MX1: variants seen among roughly 807,000 people sequenced by gnomAD.
The protein encoded by MX1 is MX dynamin like GTPase 1.
Under a neutral mutation model 66.4 loss-of-function variants are expected in MX1, and 66 were observed. That is an observed-to-expected ratio of 0.99 (90% CI 0.82 to 1.22). The LOEUF is 1.22. Ranked by LOEUF, MX1 falls within the 50% of genes most tolerant of loss-of-function variation. The pLI, the probability that MX1 is intolerant of heterozygous loss-of-function variation, is 0.00. For synonymous variants in MX1, 311 were observed against 318.1 expected, an observed-to-expected ratio of 0.98 and a Z score of 0.24; for missense variants, 787 against 834.3, an observed-to-expected ratio of 0.94 and a Z score of 0.70.
At chr21:41,455,913 G>A (rs1282468528) in intron 16 of MX1, among the ~76,000 whole-genome samples, 1 of 152,186 alleles carries the variant, frequency 6.6e-6, no homozygotes, top group Non-Finnish European at 1.5e-5. Context: ...TTAGGATTGT[G>A]CAGGGAAACA....
chr21:41,444,421 G>A (rs543084682), intron 11 of MX1, among the ~76,000 whole-genome samples: 43 of 145,260 alleles, frequency 3.0e-4, no homozygotes, highest in African/African-American at 1.1e-3. Flanking sequence ...CTGCCTCCTG[G>A]GTTCAAGCAA....
chr21:41,431,864 C>G lies in MX1; in HGVS notation c.-21-186C>G. 3 of 541,068 alleles carry G rather than the reference C, an allele frequency of 5.5e-6. No homozygotes were observed. In the South Asian group the frequency reaches 6.5e-5, roughly 12 times the overall value. 33.5% of individuals were successfully genotyped at this position (541,068 alleles called of 1,614,324 possible). A position where few individuals can be genotyped will look rare whatever the true frequency, so the allele number is the denominator to read the frequency against. On this transcript the variant is annotated intron_variant, in intron 4 of 16. Coordinates refer to ENST00000398598, the MANE Select transcript of MX1 (RefSeq NM_002462.5). The stretch of plus-strand genomic sequence containing the variant: ...CTTTGGGTCACTCTGTTTCTCTTTC[C>G]GTGAATAAAAAGCCAGTGAGCACAC...
Position 41,458,900 on chromosome 21 carries a change from A to C in MX1, c.*142A>C. 7.1e-7 allele frequency: 1 copy of C among 1,413,132 alleles called. No homozygotes were observed. The highest frequency in any genetic ancestry group is 9.3e-7 in the Non-Finnish European group (1 of 1,075,378). 87.5% of individuals were successfully genotyped at this position (1,413,132 alleles called of 1,614,324 possible). ...TATCCGTTAGCCGTGGTGATTTAGC[A>C]GGAAGCTGTGAGAGCAGTTTGGTTT... On this transcript the variant is annotated 3_prime_UTR_variant, in exon 17 of 17. Transcript: ENST00000398598.
chr21:41,452,260 G>A lies in MX1; in HGVS notation c.1510-361G>A, dbSNP rs544005572. Among the ~76,000 whole-genome samples the A allele has an allele frequency of 5.8e-4, 88 of 152,312 alleles. 1 individual carries two copies. Among genetic ancestry groups the A allele is most frequent in the South Asian group, 8.3e-4 (4 of 4,826 alleles). On this transcript the variant is annotated intron_variant, in intron 15 of 16. Coordinates refer to ENST00000398598, the MANE Select transcript of MX1 (RefSeq NM_002462.5). ...TTTCTGACTTAAACATGGCTTTCCT[G>A]CTCATCCCTGTGGATTATCTGATGG... is the stretch of plus-strand genomic sequence containing the variant.
At chr21:41,456,154 G>T (rs2090953013) in intron 16 of MX1, among the ~76,000 whole-genome samples, 1 of 152,216 alleles carries the variant, frequency 6.6e-6, no homozygotes, top group Non-Finnish European at 1.5e-5. Flanking sequence ...TGAGATATGA[G>T]AATTGCTCGA....
Position 41,439,728 on chromosome 21 carries a change from C to T in MX1, c.471C>T (p.Ile157=), listed in dbSNP as rs151250337. 1 of 1,614,016 alleles carries T rather than the reference C, an allele frequency of 6.2e-7. No homozygotes were observed. Among genetic ancestry groups the T allele is most frequent in the Non-Finnish European group, 8.5e-7 (1 of 1,179,940 alleles). The part of the protein sequence containing the change: ...QNAIAGEGMG[I]SHELITLEIS... ...CCATCGCCGGGGAAGGAATGGGAAT[C>T]AGTCATGAGCTAATCACCCTGGAGA... Residue 157 remains isoleucine (I), a synonymous_variant, in exon 8 of 17, where the codon ATC becomes ATT. Transcript: ENST00000398598.
chr21:41,443,886 T>G lies in MX1; in HGVS notation c.1008+20T>G. 1 of 1,612,538 alleles carries G rather than the reference T, an allele frequency of 6.2e-7. No homozygotes were observed. The highest frequency in any genetic ancestry group is 1.7e-5 in the Admixed American group (1 of 60,012). ...ATCTGTGTAAGCACGGGCAGAGCTGTGGGTTCTCTAAAAAGAATACTACGA... is the reference window on the plus strand; with the variant it reads ...ATCTGTGTAAGCACGGGCAGAGCTGGGGGTTCTCTAAAAAGAATACTACGA... On this transcript the variant is annotated intron_variant, in intron 11 of 16. Transcript: ENST00000398598.
intron 6 of MX1, among the ~76,000 whole-genome samples, chr21:41,436,674 G>A (rs2090371457): frequency 6.6e-6 from 1 of 152,162 alleles, no homozygotes; most frequent in Non-Finnish European, 1.5e-5. Flanking sequence ...TGTATGCTGG[G>A]GGGATAATGG....
At chr21:41,434,449 T>C (rs939118673) in intron 5 of MX1, among the ~76,000 whole-genome samples, 2 of 152,234 alleles carry the variant, frequency 1.3e-5, no homozygotes, top group Non-Finnish European at 2.9e-5. Context: ...TTAATGTGAC[T>C]GGTAATATAA....
chr21:41,449,218 G>A lies in MX1; in HGVS notation c.1355G>A (p.Arg452Lys), dbSNP rs1422757701. The change falls in exon 14 of 17, where the codon AGG becomes AAG. Residue 452 changes from arginine (R) to lysine (K), a missense_variant. Coordinates refer to ENST00000398598, the MANE Select transcript of MX1 (RefSeq NM_002462.5). ...GRELPGFVNY[R>K]TFETIVKQQI... Reference sequence around the variant, plus strand: ...GAGCTGCCAGGCTTTGTGAATTACAGGACATTTGAGACAATCGTGAAACAG... The same window carrying A: ...GAGCTGCCAGGCTTTGTGAATTACAAGACATTTGAGACAATCGTGAAACAG... 2.5e-6 allele frequency: 4 copies of A among 1,613,904 alleles called. No homozygotes were observed. The Admixed American group carries it at 6.7e-5, about 27-fold the overall frequency.
upstream of MX1, among the ~76,000 whole-genome samples, chr21:41,422,262 AC>A (rs1255012291): frequency 3.9e-5 from 6 of 152,338 alleles, no homozygotes; most frequent in Non-Finnish European, 8.8e-5. Flanking sequence ...TTACACTCCC[AC>A]CAGCGCATGA....
Position 41,445,381 on chromosome 21 carries a change from CG to C in MX1, c.1009-64del, listed in dbSNP as rs1302432298. On this transcript the variant is annotated intron_variant, in intron 11 of 16. Transcript: ENST00000398598. Reference sequence around the variant, plus strand: ...CACAACTCCTCTGCAGAGGGAGGCCCGGGACCTCCTTTTCATTCTCTGTTCA... The same window carrying C: ...CACAACTCCTCTGCAGAGGGAGGCCCGGACCTCCTTTTCATTCTCTGTTCA... The C allele has an allele frequency of 2.5e-6, 4 of 1,587,200 alleles. No individual in the cohort carries two copies. In the African/African-American group the frequency reaches 5.4e-5, roughly 21 times the overall value.
chr21:41,431,762 C>T (rs1272089086), intron 4 of MX1: 10 of 294,340 alleles, frequency 3.4e-5, no homozygotes, highest in East Asian at 3.3e-4. Flanking sequence ...GCGTGAGCCC[C>T]GGGGCCCGGC....
At chr21:41,448,926 GGTTTTGTGTGT>G (rs1242265816) in intron 13 of MX1, among the ~76,000 whole-genome samples, 200 bp from the exon 14 acceptor site, 2,353 of 142,922 alleles carry the variant, frequency 0.016, 85 homozygotes, top group African/African-American at 0.056. Flanking sequence ...CTTCAGATCT[GGTTTTGTGTGT>G]GTGTGTGTGT....
At chr21:41,433,470 A>G (rs2090278502) in intron 5 of MX1, among the ~76,000 whole-genome samples, 1 of 152,262 alleles carries the variant, frequency 6.6e-6, no homozygotes, top group Non-Finnish European at 1.5e-5. Flanking sequence ...AATTCTATAC[A>G]GTAGTAAAGA....
Position 41,436,028 on chromosome 21 carries a change from C to CG in MX1, c.298+1dup. 6.2e-7 allele frequency: 1 copy of CG among 1,613,796 alleles called. No individual in the cohort carries two copies. The highest frequency in any genetic ancestry group is 8.5e-7 in the Non-Finnish European group (1 of 1,179,784). On this transcript the variant is annotated frameshift_variant and splice_region_variant, in exon 6 of 17. Coordinates refer to ENST00000398598, the MANE Select transcript of MX1 (RefSeq NM_002462.5). LOFTEE classifies it high-confidence loss of function. ...CAGGAGTTGCCCTTCCCAGAGGCAG[C>CG]GGTAAGAACTTACATTCTGTGTTAG...
chr21:41,421,599 G>A (rs1316967630), upstream of MX1, among the ~76,000 whole-genome samples: 1 of 152,212 alleles, frequency 6.6e-6, no homozygotes, highest in Non-Finnish European at 1.5e-5. Flanking sequence ...CTCTTAAGGA[G>A]CATGCTGCCT....
At position 41,435,720 on chromosome 21, in the gene MX1, C is replaced by T. The variant is rs192958185; in HGVS notation, c.106-117C>T. On this transcript the variant is annotated intron_variant, in intron 5 of 16. Transcript: ENST00000398598. Reference sequence around the variant, plus strand: ...CCTCCACCTGGTCTCTCCCTTGACACGTAGGGATTATGGGGATTACAATTC... The same window carrying T: ...CCTCCACCTGGTCTCTCCCTTGACATGTAGGGATTATGGGGATTACAATTC... The T allele has an allele frequency of 1.8e-3, 2,130 of 1,153,494 alleles. 15 individuals are homozygous for T. The highest frequency in any genetic ancestry group is 1.6e-3 in the Non-Finnish European group (1,260 of 802,624). 71.5% of individuals were successfully genotyped at this position (1,153,494 alleles called of 1,614,324 possible). A position where few individuals can be genotyped will look rare whatever the true frequency, so the allele number is the denominator to read the frequency against.
At chr21:41,444,063 C>T (rs1420163030) in intron 11 of MX1, among the ~76,000 whole-genome samples, 197 bp downstream of exon 11, 1 of 152,130 alleles carries the variant, frequency 6.6e-6, no homozygotes, top group Non-Finnish European at 1.5e-5. Flanking sequence ...GTGGATATTC[C>T]TTTTCAGGGG....
Sources: gnomAD v4.1 joint callset for allele counts (sites outside exome capture counted in the v4.1 genomes callset) on GRCh38, gnomAD v4.1.1 for gene constraint, MANE v1.5 for transcripts, NCBI Gene and HGNC (gene_info 2026-07-23, HGNC 2026-07-21) for gene names.